Variants in PDE7B observed in about 807,000 individuals in gnomAD.
The protein encoded by PDE7B is phosphodiesterase 7B, also known as 3',5'-cyclic-AMP phosphodiesterase 7B.
PDE7B carries 29 observed loss-of-function variants against 56.2 expected under a neutral mutation model. The observed-to-expected ratio is 0.52, with a 90% CI of 0.38 to 0.70. PDE7B has a LOEUF of 0.70. Ranked by LOEUF, PDE7B falls within the 30% of genes least tolerant of loss-of-function variation. The pLI is 0.00. For missense variants in PDE7B, 490 were observed against 565.0 expected (o/e 0.87, Z 1.35); for synonymous variants, 197 against 196.9 (o/e 1.00, Z 0.00).
At chr6:136,010,962 G>T (rs750050508) in intron 2 of PDE7B, among the ~76,000 whole-genome samples, 1 of 152,170 alleles carries the variant, frequency 6.6e-6, no homozygotes, top group African/African-American at 2.4e-5. Flanking sequence ...ACTTCATGCC[G>T]TGTGGGAAAT....
chr6:135,861,693 C>T (rs1385424160), intron 1 of PDE7B, among the ~76,000 whole-genome samples: 1 of 151,572 alleles, frequency 6.6e-6, no homozygotes, highest in Non-Finnish European at 1.5e-5. Context: ...AAACAAAATA[C>T]TGTTGGGATA....
At chr6:135,937,980 T>C (rs1187779693) in intron 1 of PDE7B, among the ~76,000 whole-genome samples, 1 of 152,234 alleles carries the variant, frequency 6.6e-6, no homozygotes, top group Non-Finnish European at 1.5e-5. Context: ...GGTTTTAGGG[T>C]ATATAAGATG....
intron 2 of PDE7B, among the ~76,000 whole-genome samples, chr6:135,989,360 T>C (rs1487751417): frequency 2.0e-5 from 3 of 152,170 alleles, no homozygotes; most frequent in East Asian, 3.9e-4. Context: ...ACGCCTGTAA[T>C]CCCAACACTT....
At chr6:135,988,976 T>C (rs1775428563) in intron 2 of PDE7B, among the ~76,000 whole-genome samples, 1 of 152,208 alleles carries the variant, frequency 6.6e-6, no homozygotes, top group Admixed American at 6.5e-5. Context: ...ATATAACCCT[T>C]ACATAATCTT....
intron 1 of PDE7B, among the ~76,000 whole-genome samples, chr6:135,897,084 A>G (rs1163760687): frequency 6.6e-6 from 1 of 152,176 alleles, no homozygotes; most frequent in East Asian, 1.9e-4. Flanking sequence ...CCACTGCCAC[A>G]ATGATCAACT....
Position 136,193,678 on chromosome 6 carries a change from T to A in PDE7B, c.*1838T>A, listed in dbSNP as rs1779266173. The A allele has an allele frequency of 6.6e-6, 1 of 152,244 alleles. No homozygotes were observed. 9.4% of individuals were successfully genotyped at this position (152,244 alleles called of 1,614,324 possible). On this transcript the variant is annotated 3_prime_UTR_variant, in exon 13 of 13. Transcript: ENST00000308191. ...TCTGCCACTATCAACCTGATCCTCA[T>A]GCTGATAGAATGACAGCTAGCACTT...
chr6:136,037,703 A>G (rs1776347025), intron 2 of PDE7B: 1 of 985,356 alleles, frequency 1.0e-6, no homozygotes, highest in African/African-American at 1.7e-5. Context: ...ACTGGCCTCC[A>G]GCAAGGGGGG....
At chr6:135,997,086 TG>T (rs1360333749) in intron 2 of PDE7B, among the ~76,000 whole-genome samples, 2 of 152,070 alleles carry the variant, frequency 1.3e-5, no homozygotes, top group Non-Finnish European at 2.9e-5. Flanking sequence ...TCGGTTTTTT[TG>T]TTGTTGTTGT....
rs574199411 is a variant in PDE7B at position 136,037,282 on chromosome 6, G to C, written c.83-71449G>C. 3.9e-4 allele frequency: 120 copies of C among 306,878 alleles called. 1 individual carries two copies. Among genetic ancestry groups the C allele is most frequent in the African/African-American group, 2.6e-3 (114 of 44,470 alleles). The allele number at this position is 306,878 out of a possible 1,614,324, so 19.0% of individuals were successfully genotyped here. On this transcript the variant is annotated intron_variant, in intron 2 of 12. Transcript: ENST00000308191. ...AGGCTATGCAGGCCACTGCCCATACGCATGAGGATCTTGATGCTTCCCGAA... is the reference window on the plus strand; with the variant it reads ...AGGCTATGCAGGCCACTGCCCATACCCATGAGGATCTTGATGCTTCCCGAA...
At chr6:135,913,990 G>A (rs1313915068) in intron 1 of PDE7B, among the ~76,000 whole-genome samples, 1 of 152,164 alleles carries the variant, frequency 6.6e-6, no homozygotes, top group Non-Finnish European at 1.5e-5. Context: ...AATGAATTGA[G>A]TGGAGTATAG....
At chr6:135,899,593 C>G (rs957783825) in intron 1 of PDE7B, among the ~76,000 whole-genome samples, 10 of 151,646 alleles carry the variant, frequency 6.6e-5, no homozygotes, top group African/African-American at 2.4e-4. Context: ...TCCATATTGC[C>G]TGTTTATATA....
intron 2 of PDE7B, among the ~76,000 whole-genome samples, chr6:136,098,674 A>G (rs1208454821): frequency 2.0e-5 from 3 of 152,112 alleles, no homozygotes; most frequent in South Asian, 2.1e-4. Context: ...AGCTTATACC[A>G]TATCGACTCA....
chr6:136,137,048 TG>T (rs1205572285), intron 3 of PDE7B, among the ~76,000 whole-genome samples: 1 of 152,106 alleles, frequency 6.6e-6, no homozygotes, highest in Non-Finnish European at 1.5e-5. Context: ...TTTCTGACTT[TG>T]GGGTGTAATA....
At chr6:136,082,093 C>T (rs778764963) in intron 2 of PDE7B, among the ~76,000 whole-genome samples, 5 of 152,056 alleles carry the variant, frequency 3.3e-5, no homozygotes, top group Admixed American at 1.3e-4. Flanking sequence ...CGGCTTTGAG[C>T]GAGAGTAACT....
chr6:136,098,536 A>G (rs1007839963), intron 2 of PDE7B, among the ~76,000 whole-genome samples: 5 of 152,152 alleles, frequency 3.3e-5, no homozygotes, highest in Non-Finnish European at 5.9e-5. Context: ...TGGGATTGCT[A>G]GGGAGCCATT....
chr6:135,919,142 A>G (rs972423679), intron 1 of PDE7B, among the ~76,000 whole-genome samples: 1 of 152,214 alleles, frequency 6.6e-6, no homozygotes, highest in Non-Finnish European at 1.5e-5. Context: ...TGTCTTCTCA[A>G]AACAAAAGAA....
chr6:135,988,692 G>A (rs917387262), intron 2 of PDE7B, among the ~76,000 whole-genome samples: 6 of 152,156 alleles, frequency 3.9e-5, no homozygotes, highest in African/African-American at 1.4e-4. Flanking sequence ...CTGATCAAGT[G>A]GGTAAAAGGA....
In PDE7B at chr6:136,121,843, C is replaced by G. The variant is rs192687401; in HGVS notation, c.166+13029C>G. 2.0e-5 allele frequency among the ~76,000 whole-genome samples: 3 copies of G among 152,234 alleles called. No homozygotes were observed. In the East Asian group the frequency reaches 5.8e-4, roughly 29 times the overall value. On this transcript the variant is annotated intron_variant, in intron 3 of 12. Transcript: ENST00000308191. ...ATGCTGAATACGTTTAAAGGGTGAG[C>G]ACCTCAGATTCTGCGGTGAATGTGT...
At chr6:136,125,416 TAGTC>T (rs2128443878) in intron 3 of PDE7B, among the ~76,000 whole-genome samples, 1 of 151,958 alleles carries the variant, frequency 6.6e-6, no homozygotes, top group South Asian at 2.1e-4. Flanking sequence ...ATTAAAAAAT[TAGTC>T]AGGCATGGTG....
Sources: gnomAD v4.1 joint callset for allele counts (sites outside exome capture counted in the v4.1 genomes callset) on GRCh38, gnomAD v4.1.1 for gene constraint, MANE v1.5 for transcripts, NCBI Gene and HGNC (gene_info 2026-07-23, HGNC 2026-07-21) for gene names.